Variants in RPGRIP1 observed in about 807,000 individuals in gnomAD.
RPGRIP1 encodes the protein RPGR interacting protein 1.
A neutral mutation model predicts 157.9 loss-of-function variants in RPGRIP1; 128 were observed. The observed-to-expected ratio is 0.81, with a 90% CI of 0.70 to 0.94. RPGRIP1 has a LOEUF of 0.94. RPGRIP1 is among the 40% of genes least tolerant of loss of function. The pLI is 0.00. For missense variants in RPGRIP1, 1,486 were observed against 1,545.8 expected, an observed-to-expected ratio of 0.96 and a Z score of 0.65; for synonymous variants, 554 against 571.6, an observed-to-expected ratio of 0.97 and a Z score of 0.44.
In RPGRIP1 at chr14:21,325,398, G is replaced by A; in HGVS notation, c.2367+15G>A. The A allele has an allele frequency of 6.4e-7, 1 of 1,557,402 alleles. No homozygotes were observed. The highest frequency in any genetic ancestry group is 8.7e-7 in the Non-Finnish European group (1 of 1,150,600). On this transcript the variant is annotated intron_variant, in intron 16 of 24. Transcript: ENST00000400017. ...AGGAAGAGGAGGTGAGAAAAAAGAT[G>A]TGCCGAGGCATCTCAGAGGAGCCTC... is the stretch of plus-strand genomic sequence containing the variant.
chr14:21,331,625 A>G lies in RPGRIP1; in HGVS notation c.3238+1238A>G, dbSNP rs116522193. Among the ~76,000 whole-genome samples the G allele has an allele frequency of 4.2e-3, 636 of 152,244 alleles. 5 individuals are homozygous for G. The highest frequency in any genetic ancestry group is 0.015 in the African/African-American group (604 of 41,552). On this transcript the variant is annotated intron_variant, in intron 20 of 24. Coordinates refer to ENST00000400017, the MANE Select transcript of RPGRIP1 (RefSeq NM_020366.4). ...GTCAGTGCCTCACATGCCTTCCTCT[A>G]CTTCTGACAGTGGTCAGAATAGTGG...
At chr14:21,320,957 C>T (rs1026993553) in intron 12 of RPGRIP1, among the ~76,000 whole-genome samples, 1 of 152,104 alleles carries the variant, frequency 6.6e-6, no homozygotes, top group Non-Finnish European at 1.5e-5. Context: ...TTCATGAGCT[C>T]CACCCATTTC....
intron 7 of RPGRIP1, among the ~76,000 whole-genome samples, chr14:21,308,839 GT>G (rs1442906129): frequency 1.4e-4 from 21 of 152,184 alleles, no homozygotes; most frequent in African/African-American, 4.8e-4. Flanking sequence ...CAGGGGATTG[GT>G]TTGACCAGGC....
chr14:21,320,056 T>G lies in RPGRIP1; in HGVS notation c.1346T>G (p.Leu449Arg). 3 of 1,613,406 alleles carry G rather than the reference T, an allele frequency of 1.9e-6. No homozygotes were observed. The highest frequency in any genetic ancestry group is 2.5e-6 in the Non-Finnish European group (3 of 1,179,664). The change falls in exon 12 of 25, where the codon CTT (leucine) becomes CGT (arginine). Residue 449 changes from leucine to arginine, a missense_variant. Physicochemically the swap from Leu to Arg is moderately radical, Grantham distance 102. Coordinates refer to ENST00000400017, the MANE Select transcript of RPGRIP1 (RefSeq NM_020366.4). The part of the protein sequence containing the change: ...EDLKLEVTNI[L>R]QKHKQEVELL... ...CTGAAGCTTGAAGTCACCAACATAC[T>G]TCAGAAGCATAAACAGGAAGTAGAG...
intron 24 of RPGRIP1, among the ~76,000 whole-genome samples, chr14:21,349,603 T>C (rs1885966326): frequency 6.6e-6 from 1 of 151,668 alleles, no homozygotes; most frequent in African/African-American, 2.4e-5. Flanking sequence ...GGTTTCTTCA[T>C]GTTGGTCAGG....
At chr14:21,320,681 T>C (rs915501529) in intron 12 of RPGRIP1, among the ~76,000 whole-genome samples, 2 of 147,840 alleles carry the variant, frequency 1.4e-5, no homozygotes, top group African/African-American at 2.5e-5. Flanking sequence ...CTCACTACAG[T>C]CTTTGCCTCC....
intron 3 of RPGRIP1, among the ~76,000 whole-genome samples, chr14:21,295,536 C>T (rs10083336): frequency 0.53 from 76,891 of 144,136 alleles, 20,076 homozygotes; most frequent in South Asian, 0.59. Context: ...CAGGCTGGAG[C>T]GCAATGGCAT....
At chr14:21,332,508 C>T (rs1261871155) in intron 20 of RPGRIP1, among the ~76,000 whole-genome samples, 2 of 152,120 alleles carry the variant, frequency 1.3e-5, no homozygotes, top group African/African-American at 4.8e-5. Context: ...ATTATTTAGT[C>T]ATAAAATAGT....
At chr14:21,283,302 T>TTTA (rs1306659059) in intron 1 of RPGRIP1, among the ~76,000 whole-genome samples, 1 of 152,070 alleles carries the variant, frequency 6.6e-6, no homozygotes, top group Non-Finnish European at 1.5e-5. Flanking sequence ...ATTTATTTTA[T>TTTA]TTATTATTAT....
At chr14:21,314,927 G>A (rs2139180504) in intron 10 of RPGRIP1, among the ~76,000 whole-genome samples, 1 of 152,130 alleles carries the variant, frequency 6.6e-6, no homozygotes, top group Non-Finnish European at 1.5e-5. Context: ...GGAGGCTGAG[G>A]CAGGGCGAAT....
At chr14:21,320,497 T>C (rs527280511) in intron 12 of RPGRIP1, among the ~76,000 whole-genome samples, 3 of 152,012 alleles carry the variant, frequency 2.0e-5, no homozygotes, top group Non-Finnish European at 4.4e-5. Context: ...TTCACCGTGT[T>C]AGCCAGGATG....
Position 21,351,297 on chromosome 14 carries a change from A to G in RPGRIP1, c.*81A>G, listed in dbSNP as rs182458550. 9.4e-5 allele frequency: 78 copies of G among 829,008 alleles called. No individual in the cohort carries two copies. The African/African-American group carries it at 9.7e-4, about 10-fold the overall frequency. The allele number at this position is 829,008 out of a possible 1,614,324, so 51.4% of individuals were successfully genotyped here. On this transcript the variant is annotated 3_prime_UTR_variant, in exon 25 of 25. Coordinates refer to ENST00000400017, the MANE Select transcript of RPGRIP1 (RefSeq NM_020366.4). ...TCTTATAAAGTTAGCTTGCTATAAC[A>G]TGAATTTGGTTTACTGTGATGTCTA...
rs553261984 is a variant in RPGRIP1 at position 21,300,070 on chromosome 14, C to T, written c.219-896C>T. On this transcript the variant is annotated intron_variant, in intron 3 of 24. Transcript: ENST00000400017. ...CAACACTTTGGGAGGCCAAGGCGGG[C>T]GAATCACTTAAGGTCAGGAGTTCGA... Among the ~76,000 whole-genome samples the T allele has an allele frequency of 7.2e-5, 11 of 152,222 alleles. No individual in the cohort carries two copies. The South Asian group carries it at 1.7e-3, about 23-fold the overall frequency.
intron 24 of RPGRIP1, 73 bp from the exon 25 acceptor site, chr14:21,351,031 G>T: frequency 1.2e-6 from 1 of 802,462 alleles, no homozygotes; most frequent in South Asian, 1.7e-5. Flanking sequence ...AGCATCCCCA[G>T]TACCTAACCT....
Position 21,330,370 on chromosome 14 carries a change from C to G in RPGRIP1, c.3221C>G (p.Pro1074Arg), listed in dbSNP as rs372226099. ...CATTCAGCACTGAAACAGAAGGAAC[C>G]TCTACATCCTGTAAATGGTATTGTC... ...LSHSALKQKE[P>R]LHPVNDKESS... Residue 1074 changes from proline to arginine, a missense_variant, in exon 20 of 25, where the codon CCT (proline) becomes CGT (arginine). By Grantham distance (103) the Pro-to-Arg change is moderately radical. Coordinates refer to ENST00000400017, the MANE Select transcript of RPGRIP1 (RefSeq NM_020366.4). 260 of 1,531,268 alleles carry G rather than the reference C, an allele frequency of 1.7e-4. No individual in the cohort carries two copies. The highest frequency in any genetic ancestry group is 2.2e-4 in the Non-Finnish European group (252 of 1,146,802). The allele number at this position is 1,531,268 out of a possible 1,614,324, so 94.9% of individuals were successfully genotyped here. A position where few individuals can be genotyped will look rare whatever the true frequency, so the allele number is the denominator to read the frequency against.
At position 21,303,466 on chromosome 14, in the gene RPGRIP1, T is replaced by G. The variant is rs2139160615; in HGVS notation, c.723T>G (p.Pro241=). Reference sequence around the variant, plus strand: ...AAGTGGAAGAGCCACCCAAGTCTCCTGAGAAAATGTGGCCTAAAGATGAAA... The same window carrying G: ...AAGTGGAAGAGCCACCCAAGTCTCCGGAGAAAATGTGGCCTAAAGATGAAA... The part of the protein sequence containing the change: ...TMQVEEPPKS[P]EKMWPKDENF... Residue 241 remains proline (P), a synonymous_variant, in exon 6 of 25, where the codon CCT becomes CCG. Transcript: ENST00000400017. 1.2e-6 allele frequency: 2 copies of G among 1,613,804 alleles called. No individual in the cohort carries two copies. Among genetic ancestry groups the G allele is most frequent in the East Asian group, 2.2e-5 (1 of 44,870 alleles).
chr14:21,342,543 CAAA>C (rs58979311), intron 21 of RPGRIP1, among the ~76,000 whole-genome samples: 3 of 113,276 alleles, frequency 2.6e-5, no homozygotes. Context: ...GACTCTGTCT[CAAA>C]AAAAAAAAAA....
chr14:21,345,525 C>A (rs1280066460), intron 23 of RPGRIP1, among the ~76,000 whole-genome samples: 1 of 150,532 alleles, frequency 6.6e-6, no homozygotes, highest in African/African-American at 2.4e-5. Flanking sequence ...GCCTCTGCCT[C>A]CCAAGTAGCT....
chr14:21,343,252 G>A (rs753041069), intron 22 of RPGRIP1, 24 bp downstream of exon 22: 4 of 1,585,716 alleles, frequency 2.5e-6, no homozygotes, highest in Non-Finnish European at 3.4e-6. Flanking sequence ...TGTGGTTACT[G>A]GGGTGAGGAA....
Sources: gnomAD v4.1 joint callset for allele counts (sites outside exome capture counted in the v4.1 genomes callset) on GRCh38, gnomAD v4.1.1 for gene constraint, MANE v1.5 for transcripts, NCBI Gene and HGNC (gene_info 2026-07-23, HGNC 2026-07-21) for gene names.